SCAI: variants seen among roughly 807,000 people sequenced by gnomAD.
The protein encoded by SCAI is protein SCAI.
Under a neutral mutation model 92.2 loss-of-function variants are expected in SCAI, and 24 were observed. That is an observed-to-expected ratio of 0.26 (90% CI 0.19 to 0.37). SCAI has a LOEUF of 0.37. SCAI is among the 10% of genes least tolerant of loss of function. The pLI is 1.00. For missense variants in SCAI, 450 were observed against 736.2 expected, an observed-to-expected ratio of 0.61 and a Z score of 4.50; for synonymous variants, 261 against 258.6, an observed-to-expected ratio of 1.01 and a Z score of -0.09.
rs1482192942 is a variant in SCAI, at chr9:125,108,793, C to T, written c.98+33840G>A. ...CCGGGAGGTGGGGGGCGCCTCTGCC[C>T]GGCCGCCCCTTCTGGGAAGTGAGGA... On this transcript the variant is annotated intron_variant, in intron 2 of 17. Coordinates refer to ENST00000336505, the MANE Select transcript of SCAI (RefSeq NM_001144877.3). 7.9e-5 allele frequency among the ~76,000 whole-genome samples: 12 copies of T among 152,110 alleles called. No individual in the cohort carries two copies. In the East Asian group the frequency reaches 9.7e-4, roughly 12 times the overall value.
At chr9:125,071,265 G>A (rs1485767878) in intron 2 of SCAI, among the ~76,000 whole-genome samples, 1 of 152,170 alleles carries the variant, frequency 6.6e-6, no homozygotes, top group Non-Finnish European at 1.5e-5. Context: ...CTGGCATGGT[G>A]TTGTGTGCCT....
At chr9:124,995,146 A>T (rs967910610) in intron 13 of SCAI, 131 bp from the exon 14 acceptor site, 6 of 606,940 alleles carry the variant, frequency 9.9e-6, no homozygotes, top group Non-Finnish European at 1.7e-5. Flanking sequence ...AGTTAAGCAA[A>T]GGGGAAAAAA....
intron 2 of SCAI, among the ~76,000 whole-genome samples, chr9:125,108,894 G>A (rs1034160042): frequency 2.4e-4 from 37 of 152,360 alleles, no homozygotes; most frequent in African/African-American, 7.0e-4. Context: ...CCATGATGAC[G>A]ATGGCGGTTT....
chr9:125,035,607 T>C (rs920723945), intron 3 of SCAI, among the ~76,000 whole-genome samples: 2 of 152,302 alleles, frequency 1.3e-5, no homozygotes, highest in East Asian at 1.9e-4. Flanking sequence ...TAATAGAGCC[T>C]AGACCATAGG....
chr9:124,960,297 T>C (rs1425255427), intron 17 of SCAI, among the ~76,000 whole-genome samples: 2 of 152,188 alleles, frequency 1.3e-5, no homozygotes, highest in Non-Finnish European at 2.9e-5. Context: ...GGCGTGATCA[T>C]AATTCACTGT....
At position 124,947,231 on chromosome 9, in the gene SCAI, A is replaced by T. The variant is rs1831159351; in HGVS notation, c.*5576T>A. 6.6e-6 allele frequency: 1 copy of T among 152,202 alleles called. No individual in the cohort carries two copies. The highest frequency in any genetic ancestry group is 1.5e-5 in the Non-Finnish European group (1 of 68,034). 9.4% of individuals were successfully genotyped at this position (152,202 alleles called of 1,614,324 possible). A position where few individuals can be genotyped will look rare whatever the true frequency, so the allele number is the denominator to read the frequency against. On this transcript the variant is annotated 3_prime_UTR_variant, in exon 18 of 18. Transcript: ENST00000336505. ...TATTAAGCCCCAATATACATAATTT[A>T]CTACTCAGTAATAATACTTAAATAT...
At chr9:125,026,944 T>C (rs1174684531) in intron 5 of SCAI, 34 bp from the exon 6 acceptor site, 2 of 1,235,148 alleles carry the variant, frequency 1.6e-6, no homozygotes, top group Admixed American at 3.6e-5. Flanking sequence ...AATATGACAG[T>C]GTCAGAGACT....
chr9:124,971,345 G>A lies in SCAI; in HGVS notation c.1674+25C>T, dbSNP rs541979358. The A allele has an allele frequency of 7.3e-5, 98 of 1,345,230 alleles. No individual in the cohort carries two copies. In the East Asian group the frequency reaches 1.5e-3, roughly 21 times the overall value. 83.3% of individuals were successfully genotyped at this position (1,345,230 alleles called of 1,614,324 possible). ...TTAAATACCTAAAATGATAAAATTC[G>A]TCTTTAATAATGTTCTTTGCCTACC... is the stretch of plus-strand genomic sequence containing the variant. On this transcript the variant is annotated intron_variant, in intron 17 of 17. Coordinates refer to ENST00000336505, the MANE Select transcript of SCAI (RefSeq NM_001144877.3).
At position 125,018,875 on chromosome 9, in the gene SCAI, G is replaced by A; in HGVS notation, c.785C>T (p.Pro262Leu). Reference sequence around the variant, plus strand: ...CACAATCATGCCCTGTTCCAGCAATGGGGCTCCTGTTTCAGCAAGGCGATT... The same window carrying A: ...CACAATCATGCCCTGTTCCAGCAATAGGGCTCCTGTTTCAGCAAGGCGATT... Reference protein sequence around the residue: ...TSNRLAETGAPLLEQGMIVGQ... With the variant: ...TSNRLAETGALLLEQGMIVGQ... The change falls in exon 9 of 18, where the codon CCA becomes CTA. Residue 262 changes from proline (P) to leucine (L), a missense_variant. This residue lies in a region of SCAI where 360 missense variants were observed against 601.8 expected (regional missense o/e 0.60). Coordinates refer to ENST00000336505, the MANE Select transcript of SCAI (RefSeq NM_001144877.3). 1.2e-6 allele frequency: 2 copies of A among 1,613,640 alleles called. No individual in the cohort carries two copies. The highest frequency in any genetic ancestry group is 1.7e-6 in the Non-Finnish European group (2 of 1,179,646).
intron 2 of SCAI, among the ~76,000 whole-genome samples, chr9:125,088,564 C>T (rs1834367271): frequency 6.6e-6 from 1 of 152,162 alleles, no homozygotes. Context: ...GTCAACTTAA[C>T]CTCTTTGCTT....
At chr9:125,049,837 C>T (rs1178608869) in intron 3 of SCAI, among the ~76,000 whole-genome samples, 1 of 152,150 alleles carries the variant, frequency 6.6e-6, no homozygotes, top group African/African-American at 2.4e-5. Context: ...TCACTCTGCT[C>T]ATAATGAGTT....
intron 2 of SCAI, among the ~76,000 whole-genome samples, chr9:125,083,054 C>T (rs528112011): frequency 4.9e-4 from 75 of 152,306 alleles, no homozygotes; most frequent in African/African-American, 1.8e-3. Flanking sequence ...CAAATCTCAT[C>T]TTGAATTCCC....
At chr9:125,117,350 G>A (rs1248585043) in intron 2 of SCAI, among the ~76,000 whole-genome samples, 1 of 152,164 alleles carries the variant, frequency 6.6e-6, no homozygotes, top group African/African-American at 2.4e-5. Flanking sequence ...ATAGAGGAAT[G>A]CCTGATAAAA....
At chr9:125,008,108 G>A (rs1832551461) in intron 9 of SCAI, among the ~76,000 whole-genome samples, 1 of 151,392 alleles carries the variant, frequency 6.6e-6, no homozygotes, top group South Asian at 2.1e-4. Flanking sequence ...GCCTCCCAAA[G>A]TTCAGGGATT....
intron 2 of SCAI, among the ~76,000 whole-genome samples, chr9:125,103,488 C>A (rs548600747): frequency 6.6e-6 from 1 of 152,174 alleles, no homozygotes; most frequent in Admixed American, 6.5e-5. Context: ...ATAACCACCA[C>A]CAGAAATGTC....
intron 7 of SCAI, among the ~76,000 whole-genome samples, 169 bp from the exon 8 acceptor site, chr9:125,019,374 C>T (rs913448040): frequency 3.4e-4 from 51 of 151,996 alleles, no homozygotes; most frequent in African/African-American, 1.2e-3. Flanking sequence ...AAATTTTCTT[C>T]AAAAGTACAA....
intron 3 of SCAI, among the ~76,000 whole-genome samples, chr9:125,050,293 G>T (rs558653195): frequency 2.0e-5 from 3 of 152,106 alleles, no homozygotes; most frequent in Non-Finnish European, 1.5e-5. Context: ...GGGCGCAGGG[G>T]GATAGCAACC....
chr9:125,044,455 C>G (rs188906504), intron 3 of SCAI, among the ~76,000 whole-genome samples: 63 of 152,238 alleles, frequency 4.1e-4, no homozygotes, highest in Admixed American at 1.4e-3. Flanking sequence ...GAAGGAGCAA[C>G]TACTACAGGT....
intron 2 of SCAI, among the ~76,000 whole-genome samples, chr9:125,075,404 ATTCT>A (rs1333166138): frequency 2.0e-5 from 3 of 150,832 alleles, no homozygotes; most frequent in Admixed American, 6.6e-5. Flanking sequence ...TAGATGTTTC[ATTCT>A]TTCTTTTTTT....
Sources: allele counts gnomAD v4.1 joint callset (sites outside exome capture counted in the v4.1 genomes callset), GRCh38; gene constraint gnomAD v4.1.1; regional missense constraint gnomAD v4.1.1; transcripts MANE v1.5; gene names NCBI Gene and HGNC (gene_info 2026-07-23, HGNC 2026-07-21).